The following FARS2 variants were observed in gnomAD, a reference collection of about 807,000 sequenced individuals.
The protein encoded by FARS2 is phenylalanyl-tRNA synthetase 2, mitochondrial, also known as phenylalanine--tRNA ligase, mitochondrial.
A neutral mutation model predicts 46.4 loss-of-function variants in FARS2; 40 were observed. The ratio of observed to expected loss-of-function variants is 0.86; its 90% CI spans 0.67 to 1.12. The LOEUF is 1.12. Ranked by LOEUF, FARS2 falls within the 50% of genes most tolerant of loss-of-function variation. FARS2 has a pLI of 0.00. For synonymous variants in FARS2, 234 were observed against 214.9 expected, an observed-to-expected ratio of 1.09 and a Z score of -0.78; for missense variants, 513 against 567.9, an observed-to-expected ratio of 0.90 and a Z score of 0.98.
At chr6:5,441,793 T>C (rs755006252) in intron 4 of FARS2, among the ~76,000 whole-genome samples, 1 of 152,254 alleles carries the variant, frequency 6.6e-6, no homozygotes, top group Non-Finnish European at 1.5e-5. Flanking sequence ...AAGTCAGCAC[T>C]TACGAGCATC....
At chr6:5,518,469 T>C (rs989780062) in intron 4 of FARS2, among the ~76,000 whole-genome samples, 2 of 152,206 alleles carry the variant, frequency 1.3e-5, no homozygotes, top group Non-Finnish European at 2.9e-5. Flanking sequence ...GAGAAATATG[T>C]CTGGAAGTGA....
At position 5,274,994 on chromosome 6, in the gene FARS2, G is replaced by A. The variant is rs189873362; in HGVS notation, c.-22+13334G>A. ...GGCCTCCCAAAGTGTTGGGATTACA[G>A]GTGTGAGCCTGGCCCTACATATTTC... On this transcript the variant is annotated intron_variant, in intron 1 of 6. Coordinates refer to ENST00000274680, the MANE Select transcript of FARS2 (RefSeq NM_006567.5). Among the ~76,000 whole-genome samples the A allele has an allele frequency of 2.0e-5, 3 of 152,326 alleles. No individual in the cohort carries two copies. The East Asian group carries it at 5.8e-4, about 29-fold the overall frequency.
chr6:5,435,133 A>G (rs1763448282), intron 4 of FARS2, among the ~76,000 whole-genome samples: 1 of 152,258 alleles, frequency 6.6e-6, no homozygotes, highest in Non-Finnish European at 1.5e-5. Flanking sequence ...TTCTGACAAC[A>G]GTTAACTAAT....
chr6:5,285,744 A>G (rs78260313), intron 1 of FARS2, among the ~76,000 whole-genome samples: 2 of 152,184 alleles, frequency 1.3e-5, no homozygotes, highest in African/African-American at 4.8e-5. Flanking sequence ...TGTCTGTCTC[A>G]GTGATGTTAT....
At chr6:5,700,298 G>A (rs1414335800) in intron 6 of FARS2, among the ~76,000 whole-genome samples, 4 of 152,098 alleles carry the variant, frequency 2.6e-5, no homozygotes, top group Non-Finnish European at 5.9e-5. Flanking sequence ...CTTATTGAAC[G>A]TCAAAAATAT....
chr6:5,604,153 G>A (rs549811597), intron 5 of FARS2, among the ~76,000 whole-genome samples: 124 of 152,240 alleles, frequency 8.1e-4, no homozygotes, highest in African/African-American at 1.2e-3. Flanking sequence ...GATGAGCTGC[G>A]GTTCAAGTCT....
At chr6:5,441,515 C>T (rs1404928814) in intron 4 of FARS2, among the ~76,000 whole-genome samples, 2 of 152,336 alleles carry the variant, frequency 1.3e-5, no homozygotes, top group East Asian at 3.9e-4. Context: ...CACAGTATAG[C>T]TCCTTTCATG....
chr6:5,750,426 G>A (rs1376157045), intron 6 of FARS2, among the ~76,000 whole-genome samples: 1 of 152,112 alleles, frequency 6.6e-6, no homozygotes, highest in Non-Finnish European at 1.5e-5. Context: ...GATGGCAGTG[G>A]GCTGGACAAT....
intron 4 of FARS2, among the ~76,000 whole-genome samples, chr6:5,473,563 G>A (rs12201544): frequency 0.26 from 37,787 of 143,450 alleles, 5,999 homozygotes; most frequent in East Asian, 0.56. Context: ...AAAAACAAAA[G>A]AATACCCTGC....
At chr6:5,412,694 A>G (rs1323691129) in intron 3 of FARS2, among the ~76,000 whole-genome samples, 5 of 152,238 alleles carry the variant, frequency 3.3e-5, no homozygotes, top group Non-Finnish European at 7.3e-5. Context: ...TGTTAGTGCT[A>G]CATTCTTCCT....
intron 6 of FARS2, among the ~76,000 whole-genome samples, chr6:5,709,689 T>C (rs1415196001): frequency 6.9e-5 from 2 of 29,058 alleles, no homozygotes; most frequent in East Asian, 2.7e-3. Flanking sequence ...TGTGTGTGTG[T>C]GTGTGTGTGC....
intron 6 of FARS2, among the ~76,000 whole-genome samples, chr6:5,691,190 G>A (rs1043317881): frequency 3.9e-5 from 6 of 152,104 alleles, no homozygotes; most frequent in Admixed American, 3.9e-4. Flanking sequence ...CTCTCAACTC[G>A]TCAAAGTCAT....
intron 6 of FARS2, among the ~76,000 whole-genome samples, chr6:5,730,725 T>C (rs1452520607): frequency 6.6e-6 from 1 of 152,160 alleles, no homozygotes; most frequent in Non-Finnish European, 1.5e-5. Context: ...ATGAGCAAAG[T>C]CTTCACTTAC....
chr6:5,421,402 G>A (rs1195941603), intron 3 of FARS2, among the ~76,000 whole-genome samples: 2 of 152,200 alleles, frequency 1.3e-5, no homozygotes, highest in Non-Finnish European at 2.9e-5. Flanking sequence ...ACATGTCCCA[G>A]AGACATTTTC....
chr6:5,549,656 A>G lies in FARS2; in HGVS notation c.1065+4316A>G, dbSNP rs554870192. Reference sequence around the variant, plus strand: ...TTCCCATCTCAAAATACTTCTCTTAAAGTAATCCTTTAATACTTTAATACA... The same window carrying G: ...TTCCCATCTCAAAATACTTCTCTTAGAGTAATCCTTTAATACTTTAATACA... On this transcript the variant is annotated intron_variant, in intron 5 of 6. Coordinates refer to ENST00000274680, the MANE Select transcript of FARS2 (RefSeq NM_006567.5). 3.9e-5 allele frequency among the ~76,000 whole-genome samples: 6 copies of G among 152,298 alleles called. No homozygotes were observed. The East Asian group carries it at 1.2e-3, about 29-fold the overall frequency.
At chr6:5,462,823 A>AATC (rs1185656619) in intron 4 of FARS2, among the ~76,000 whole-genome samples, 1 of 152,218 alleles carries the variant, frequency 6.6e-6, no homozygotes, top group African/African-American at 2.4e-5. Context: ...CAATTTTGTC[A>AATC]ATCTCACAAA....
At chr6:5,264,495 CT>C (rs776344380) in intron 1 of FARS2, among the ~76,000 whole-genome samples, 2,507 of 138,956 alleles carry the variant, frequency 0.018, 39 homozygotes, top group African/African-American at 0.051. Context: ...TTTCTTTTTT[CT>C]TTTTTTTTTT....
chr6:5,655,196 A>C (rs1335538002), intron 6 of FARS2, among the ~76,000 whole-genome samples: 8 of 152,208 alleles, frequency 5.3e-5, no homozygotes, highest in Admixed American at 2.0e-4. Flanking sequence ...TCTCCTTGAG[A>C]AAAAATTTCT....
intron 4 of FARS2, among the ~76,000 whole-genome samples, chr6:5,460,621 C>T (rs1216508691): frequency 6.6e-6 from 1 of 152,154 alleles, no homozygotes. Context: ...CAAGAACATT[C>T]TGCTGTAGCT....
Sources: allele counts gnomAD v4.1 joint callset (sites outside exome capture counted in the v4.1 genomes callset), GRCh38; gene constraint gnomAD v4.1.1; transcripts MANE v1.5; gene names NCBI Gene and HGNC (gene_info 2026-07-23, HGNC 2026-07-21).